The following ADGRB3 variants were observed in gnomAD, a reference collection of about 807,000 sequenced individuals.
The protein encoded by ADGRB3 is brain-specific angiogenesis inhibitor 3.
A neutral mutation model predicts 193.4 loss-of-function variants in ADGRB3; 37 were observed. The observed-to-expected ratio is 0.19, with a 90% CI of 0.15 to 0.25. The LOEUF is 0.25. Among genes scored for constraint, ADGRB3 ranks in the 10% least tolerant of loss-of-function variants. The pLI, the probability that ADGRB3 is intolerant of heterozygous loss-of-function variation, is 1.00. For synonymous variants in ADGRB3, 690 were observed against 644.2 expected, an observed-to-expected ratio of 1.07 and a Z score of -1.08; for missense variants, 1,637 against 1,852.9, an observed-to-expected ratio of 0.88 and a Z score of 2.14.
chr6:69,081,467 A>C (rs910686880), intron 17 of ADGRB3, among the ~76,000 whole-genome samples: 1 of 152,000 alleles, frequency 6.6e-6, no homozygotes, highest in African/African-American at 2.4e-5. Context: ...AAATATTACA[A>C]AAAGCAATAG....
chr6:68,941,100 T>A (rs1767630321), intron 5 of ADGRB3, among the ~76,000 whole-genome samples: 1 of 152,138 alleles, frequency 6.6e-6, no homozygotes, highest in Admixed American at 6.5e-5. Flanking sequence ...AATGAAGGAA[T>A]TTCATTTAAA....
intron 30 of ADGRB3, among the ~76,000 whole-genome samples, chr6:69,375,232 A>G (rs866851076): frequency 1.6e-4 from 25 of 152,210 alleles, no homozygotes; most frequent in African/African-American, 6.0e-4. Context: ...GCACAGAATG[A>G]TTTTTTATAC....
intron 3 of ADGRB3, among the ~76,000 whole-genome samples, chr6:68,817,881 T>C (rs1192579094): frequency 2.0e-5 from 3 of 152,158 alleles, no homozygotes; most frequent in South Asian, 2.1e-4. Context: ...AGCTTCTTGC[T>C]CATTTCTGTA....
At chr6:68,766,126 G>T (rs1766504496) in intron 3 of ADGRB3, among the ~76,000 whole-genome samples, 1 of 151,746 alleles carries the variant, frequency 6.6e-6, no homozygotes, top group African/African-American at 2.4e-5. Flanking sequence ...ATTTTGGTTG[G>T]CCACCTCAAT....
intron 11 of ADGRB3, among the ~76,000 whole-genome samples, chr6:69,004,670 A>G (rs1032116531): frequency 1.3e-5 from 2 of 149,168 alleles, no homozygotes; most frequent in African/African-American, 2.5e-5. Context: ...GGTGTTAAGG[A>G]CACCAGTCAG....
rs1768934159 is a variant in ADGRB3, at chr6:68,670,783, A to G, written c.757+31351A>G. 2.0e-5 allele frequency among the ~76,000 whole-genome samples: 3 copies of G among 151,562 alleles called. No homozygotes were observed. In the South Asian group the frequency reaches 6.2e-4, roughly 31 times the overall value. On this transcript the variant is annotated intron_variant, in intron 3 of 31. Coordinates refer to ENST00000370598, the MANE Select transcript of ADGRB3 (RefSeq NM_001704.3). ...ATACAAATTTTTGGATCTTTTTTCT[A>G]TTTCTGTAAAGAATGTCATTGGTAT...
intron 13 of ADGRB3, among the ~76,000 whole-genome samples, chr6:69,043,292 G>GAGAAAGAAAGA (rs1486008350): frequency 5.8e-5 from 1 of 17,202 alleles, no homozygotes; most frequent in South Asian, 3.2e-3. Flanking sequence ...AAGAAAGAGA[G>GAGAAAGAAAGA]AAAGAAAGAA....
chr6:69,256,309 A>G (rs1053652878), intron 20 of ADGRB3, among the ~76,000 whole-genome samples: 1 of 152,074 alleles, frequency 6.6e-6, no homozygotes, highest in African/African-American at 2.4e-5. Flanking sequence ...GGCCATTTTC[A>G]TGATATTGAT....
intron 17 of ADGRB3, among the ~76,000 whole-genome samples, chr6:69,170,382 A>C (rs1775240844): frequency 1.3e-5 from 2 of 152,110 alleles, no homozygotes; most frequent in Non-Finnish European, 1.5e-5. Context: ...GTATTTCATC[A>C]CTTTCAAAGC....
chr6:69,362,891 T>C (rs1335743357), intron 29 of ADGRB3, among the ~76,000 whole-genome samples: 1 of 151,972 alleles, frequency 6.6e-6, no homozygotes. Flanking sequence ...ATCACAGAAG[T>C]TTTTAAAAGG....
intron 30 of ADGRB3, among the ~76,000 whole-genome samples, chr6:69,373,629 A>G (rs1769752183): frequency 6.6e-6 from 1 of 152,098 alleles, no homozygotes; most frequent in Admixed American, 6.6e-5. Context: ...AATAGACAAT[A>G]TTCAGCAATC....
chr6:68,638,671 A>G lies in ADGRB3; in HGVS notation c.-5A>G. ...TTGCCATTTTTACAGGCCAAATGAC[A>G]TAGGATGAAGGCTGTTCGTAACCTG... On this transcript the variant is annotated 5_prime_UTR_variant, in exon 3 of 32. Transcript: ENST00000370598. 1 of 1,604,088 alleles carries G rather than the reference A, an allele frequency of 6.2e-7. No individual in the cohort carries two copies. The highest frequency in any genetic ancestry group is 8.5e-7 in the Non-Finnish European group (1 of 1,175,160).
At chr6:68,902,490 A>G (rs1030496821) in intron 3 of ADGRB3, among the ~76,000 whole-genome samples, 1 of 152,102 alleles carries the variant, frequency 6.6e-6, no homozygotes, top group Non-Finnish European at 1.5e-5. Context: ...CTATTATGCT[A>G]GAAAAATTTT....
At chr6:69,061,097 C>T (rs1285725875) in intron 15 of ADGRB3, among the ~76,000 whole-genome samples, 1 of 151,712 alleles carries the variant, frequency 6.6e-6, no homozygotes, top group African/African-American at 2.4e-5. Context: ...TGTTAACCAG[C>T]TCTCTCTGTC....
chr6:68,706,543 T>G (rs1203667169), intron 3 of ADGRB3, among the ~76,000 whole-genome samples: 7 of 152,348 alleles, frequency 4.6e-5, no homozygotes, highest in Non-Finnish European at 2.9e-5. Context: ...TGAGCCACGC[T>G]GCCTGTGTTC....
At chr6:68,694,380 C>T (rs1388803452) in intron 3 of ADGRB3, among the ~76,000 whole-genome samples, 1 of 152,008 alleles carries the variant, frequency 6.6e-6, no homozygotes, top group Non-Finnish European at 1.5e-5. Context: ...TGGCAGAAAC[C>T]TAACTTAAGT....
At chr6:69,046,118 G>GT (rs959860013) in intron 13 of ADGRB3, among the ~76,000 whole-genome samples, 132 of 152,166 alleles carry the variant, frequency 8.7e-4, no homozygotes, top group African/African-American at 3.1e-3. Context: ...CTTTCTGTTT[G>GT]TTTTTTGTTT....
intron 3 of ADGRB3, among the ~76,000 whole-genome samples, chr6:68,790,186 C>A (rs1007139463): frequency 2.0e-5 from 3 of 152,088 alleles, no homozygotes; most frequent in Non-Finnish European, 2.9e-5. Flanking sequence ...CCAGGGTATC[C>A]TTGTTTCTGC....
intron 6 of ADGRB3, among the ~76,000 whole-genome samples, chr6:68,951,829 A>C (rs1281909227): frequency 6.6e-6 from 1 of 152,090 alleles, no homozygotes; most frequent in African/African-American, 2.4e-5. Context: ...GTGGGGAGAG[A>C]CATTGATTGT....
Sources: allele counts gnomAD v4.1 joint callset (sites outside exome capture counted in the v4.1 genomes callset), GRCh38; gene constraint gnomAD v4.1.1; transcripts MANE v1.5; gene names NCBI Gene and HGNC (gene_info 2026-07-23, HGNC 2026-07-21).